DPP10: variants seen among roughly 807,000 people sequenced by gnomAD.
The protein encoded by DPP10 is dipeptidyl peptidase like 10, also known as inactive dipeptidyl peptidase 10.
DPP10 carries 33 observed loss-of-function variants against 120.9 expected under a neutral mutation model. The ratio of observed to expected loss-of-function variants is 0.27; its 90% CI spans 0.21 to 0.37. The LOEUF is 0.37. DPP10 is among the 10% of genes least tolerant of loss of function. The pLI is 1.00. For synonymous variants in DPP10, 337 were observed against 326.1 expected (o/e 1.03, Z -0.36); for missense variants, 816 against 942.8 (o/e 0.87, Z 1.76).
At chr2:114,745,220 C>G (rs1314567234) in intron 1 of DPP10, among the ~76,000 whole-genome samples, 2 of 152,178 alleles carry the variant, frequency 1.3e-5, no homozygotes, top group Non-Finnish European at 2.9e-5. Context: ...TCAGAGGTTT[C>G]AAAGACTTTA....
intron 1 of DPP10, among the ~76,000 whole-genome samples, chr2:114,876,074 G>T (rs548727672): frequency 6.6e-6 from 1 of 152,074 alleles, no homozygotes; most frequent in South Asian, 2.1e-4. Flanking sequence ...TCAAATATTT[G>T]ACAAGCACTT....
chr2:115,224,449 C>CT (rs2057334544), intron 1 of DPP10, among the ~76,000 whole-genome samples: 1 of 152,022 alleles, frequency 6.6e-6, no homozygotes, highest in Non-Finnish European at 1.5e-5. Context: ...GTGAGTTTCT[C>CT]TAAGTTTCCT....
At chr2:114,738,683 G>A (rs1258421923) in intron 1 of DPP10, among the ~76,000 whole-genome samples, 1 of 152,108 alleles carries the variant, frequency 6.6e-6, no homozygotes, top group Non-Finnish European at 1.5e-5. Context: ...CTAGAAATAT[G>A]GGGTAGAACA....
At chr2:115,431,593 G>T (rs926325398) in intron 3 of DPP10, among the ~76,000 whole-genome samples, 2 of 152,100 alleles carry the variant, frequency 1.3e-5, no homozygotes, top group African/African-American at 2.4e-5. Context: ...TTAGGAATGA[G>T]AATCTAAAAG....
intron 19 of DPP10, among the ~76,000 whole-genome samples, chr2:115,795,261 A>G (rs562726394): frequency 6.6e-6 from 1 of 152,268 alleles, no homozygotes; most frequent in South Asian, 2.1e-4. Flanking sequence ...AGTTTATTTC[A>G]GTACCAAGGG....
At chr2:115,045,329 G>T (rs1207955685) in intron 1 of DPP10, among the ~76,000 whole-genome samples, 1 of 151,888 alleles carries the variant, frequency 6.6e-6, no homozygotes, top group Non-Finnish European at 1.5e-5. Context: ...TTTTTCTCTT[G>T]CTACTTTTAA....
In DPP10 at chr2:115,829,617, T is replaced by G. The variant is rs1205819271; in HGVS notation, c.1951-6540T>G. ...AATTAAAATAGTCACAAGATGTAGC[T>G]TTCATCTGAGTCAGACAATATGCAC... is the stretch of plus-strand genomic sequence containing the variant. On this transcript the variant is annotated intron_variant, in intron 21 of 25. Transcript: ENST00000410059. 5.3e-5 allele frequency among the ~76,000 whole-genome samples: 8 copies of G among 152,200 alleles called. No homozygotes were observed. In the East Asian group the frequency reaches 5.8e-4, roughly 11 times the overall value.
intron 1 of DPP10, among the ~76,000 whole-genome samples, chr2:115,118,747 TTGTGTGTGTGTGTG>T (rs59183186): frequency 0.11 from 15,418 of 140,364 alleles, 1,062 homozygotes; most frequent in Non-Finnish European, 0.15. Flanking sequence ...ACACAGCTAA[TTGTGTGTGTGTGTG>T]TGTGTGTGTG....
intron 1 of DPP10, among the ~76,000 whole-genome samples, chr2:114,689,225 C>T (rs1399956128): frequency 6.6e-6 from 1 of 151,284 alleles, no homozygotes; most frequent in African/African-American, 2.4e-5. Context: ...CTCTCCCTCT[C>T]CCATGCCCCT....
Position 115,777,787 on chromosome 2 carries a change from T to C in DPP10, c.1314T>C (p.Ile438=), listed in dbSNP as rs1260395739. The C allele has an allele frequency of 3.1e-6, 5 of 1,613,070 alleles. No individual in the cohort carries two copies. In the East Asian group the frequency reaches 8.9e-5, roughly 29 times the overall value. Residue 438 remains isoleucine (I), a splice_region_variant and synonymous_variant, in exon 15 of 26, where the codon ATT becomes ATC. Coordinates refer to ENST00000410059, the MANE Select transcript of DPP10 (RefSeq NM_020868.6). ...ILAYDETTQK[I]YFLSTESSPR... Reference sequence around the variant, plus strand: ...TTGTGTTGTTTTCTTTCCTGGACAGTTACTTTCTGAGCACTGAATCTTCTC... The same window carrying C: ...TTGTGTTGTTTTCTTTCCTGGACAGCTACTTTCTGAGCACTGAATCTTCTC...
chr2:115,420,647 A>C (rs2069857837), intron 3 of DPP10, among the ~76,000 whole-genome samples: 1 of 152,160 alleles, frequency 6.6e-6, no homozygotes, highest in Non-Finnish European at 1.5e-5. Context: ...GAAAACAAAG[A>C]CTGGTAATGA....
intron 1 of DPP10, among the ~76,000 whole-genome samples, chr2:114,454,503 G>A (rs1343776473): frequency 6.6e-6 from 1 of 152,168 alleles, no homozygotes; most frequent in East Asian, 1.9e-4. Context: ...TCCTATTTGA[G>A]TGTCTCCTAA....
intron 1 of DPP10, among the ~76,000 whole-genome samples, chr2:115,060,011 A>G (rs1706270215): frequency 6.6e-6 from 1 of 152,028 alleles, no homozygotes; most frequent in Non-Finnish European, 1.5e-5. Flanking sequence ...AATGTTTCCA[A>G]CCCTTATCTT....
At chr2:115,095,276 G>T (rs1352432013) in intron 1 of DPP10, among the ~76,000 whole-genome samples, 2 of 152,146 alleles carry the variant, frequency 1.3e-5, no homozygotes, top group Non-Finnish European at 2.9e-5. Context: ...GGCATCTTTG[G>T]AAGAAAAAAG....
At chr2:115,543,031 G>A (rs1036383996) in intron 5 of DPP10, among the ~76,000 whole-genome samples, 42 of 151,990 alleles carry the variant, frequency 2.8e-4, no homozygotes, top group Admixed American at 7.9e-4. Flanking sequence ...GGCATGAGAC[G>A]GGAAGCATAT....
chr2:115,840,849 G>T (rs1037557211), intron 25 of DPP10, 26 bp downstream of exon 25: 1 of 1,593,592 alleles, frequency 6.3e-7, no homozygotes, highest in Admixed American at 1.7e-5. Context: ...AGAAGAACGT[G>T]TTTTCCTGCT....
intron 1 of DPP10, among the ~76,000 whole-genome samples, chr2:114,596,219 C>T (rs922293095): frequency 2.0e-5 from 3 of 152,036 alleles, no homozygotes; most frequent in African/African-American, 4.8e-5. Flanking sequence ...TGCTTCTGCT[C>T]ATTGGGCCCA....
At chr2:115,604,965 A>T in intron 5 of DPP10, among the ~76,000 whole-genome samples, 1 of 152,224 alleles carries the variant, frequency 6.6e-6, no homozygotes, top group East Asian at 1.9e-4. Context: ...ATATATCTTT[A>T]TAAGCCATTG....
At chr2:115,233,673 A>G (rs2057852844) in intron 1 of DPP10, among the ~76,000 whole-genome samples, 2 of 152,172 alleles carry the variant, frequency 1.3e-5, no homozygotes, top group Admixed American at 6.6e-5. Flanking sequence ...ATGAGCACTT[A>G]GTCTCTGCAA....
Sources: gnomAD v4.1 joint callset for allele counts (sites outside exome capture counted in the v4.1 genomes callset) on GRCh38, gnomAD v4.1.1 for gene constraint, MANE v1.5 for transcripts, NCBI Gene and HGNC (gene_info 2026-07-23, HGNC 2026-07-21) for gene names.